Variants in SRD5A3 observed in about 807,000 individuals in gnomAD.
SRD5A3 encodes the protein steroid 5 alpha-reductase 3.
Under a neutral mutation model 34.3 loss-of-function variants are expected in SRD5A3, and 24 were observed. The ratio of observed to expected loss-of-function variants is 0.70; its 90% confidence interval spans 0.51 to 0.99. The LOEUF is 0.99. SRD5A3 is among the 50% of genes least tolerant of loss of function. SRD5A3 has a pLI of 0.00. For missense variants in SRD5A3, 350 were observed against 388.2 expected (o/e 0.90, Z 0.83); for synonymous variants, 161 against 167.3 (o/e 0.96, Z 0.29).
At chr4:55,365,151 C>T (rs1578210613) in intron 3 of SRD5A3, among the ~76,000 whole-genome samples, 1 of 151,886 alleles carries the variant, frequency 6.6e-6, no homozygotes, top group South Asian at 2.1e-4. Flanking sequence ...GTCTAGACCC[C>T]GTAGGTCTGT....
intron 2 of SRD5A3, among the ~76,000 whole-genome samples, chr4:55,362,711 A>G (rs1719731625): frequency 6.7e-6 from 1 of 149,820 alleles, no homozygotes; most frequent in Non-Finnish European, 1.5e-5. Context: ...CTCCAACCTC[A>G]GCTTCCTAAA....
In SRD5A3 at chr4:55,366,437, G is replaced by A. The variant is rs544507805; in HGVS notation, c.563-1151G>A. On this transcript the variant is annotated intron_variant, in intron 3 of 4. Coordinates refer to ENST00000264228, the MANE Select transcript of SRD5A3 (RefSeq NM_024592.5). ...AAGTGATCCTCCTGCCTTGGCCCCC[G>A]CAAAGTGCTGGGATTACAGGTGTGA... 4.6e-5 allele frequency among the ~76,000 whole-genome samples: 7 copies of A among 152,210 alleles called. 1 individual carries two copies. In the South Asian group the frequency reaches 6.2e-4, roughly 14 times the overall value.
intron 3 of SRD5A3, chr4:55,364,568 T>G (rs995442829): frequency 3.0e-5 from 11 of 363,724 alleles, no homozygotes; most frequent in African/African-American, 1.9e-4. Flanking sequence ...AAAAAAAAAT[T>G]AGCCAGGCGT....
intron 3 of SRD5A3, chr4:55,364,670 C>T (rs913807420): frequency 1.3e-4 from 35 of 261,072 alleles, no homozygotes; most frequent in Non-Finnish European, 3.8e-5. Context: ...GAGCCGAGAT[C>T]GCGCTACTGC....
At chr4:55,368,739 TTTTA>T (rs970063650) in intron 4 of SRD5A3, among the ~76,000 whole-genome samples, 23 of 145,960 alleles carry the variant, frequency 1.6e-4, no homozygotes, top group African/African-American at 5.6e-4. Context: ...TATTTATTTA[TTTTA>T]TTTATTTATT....
At chr4:55,354,383 C>T (rs1304971344) in intron 1 of SRD5A3, among the ~76,000 whole-genome samples, 2 of 152,158 alleles carry the variant, frequency 1.3e-5, no homozygotes, top group African/African-American at 4.8e-5. Context: ...GCCTGACGCA[C>T]CGCGCTCGGC....
intron 1 of SRD5A3, among the ~76,000 whole-genome samples, chr4:55,349,622 A>G (rs1719114166): frequency 2.0e-5 from 3 of 152,042 alleles, no homozygotes; most frequent in African/African-American, 7.3e-5. Context: ...AACTCTGAAT[A>G]AACAGGTGAC....
chr4:55,361,224 C>G (rs369444503), intron 2 of SRD5A3, among the ~76,000 whole-genome samples: 1 of 151,990 alleles, frequency 6.6e-6, no homozygotes, highest in African/African-American at 2.4e-5. Context: ...GTTCATGCCT[C>G]TCATCCCAGC....
intron 4 of SRD5A3, 82 bp from the exon 5 acceptor site, chr4:55,369,750 C>G: frequency 2.0e-6 from 3 of 1,496,964 alleles, no homozygotes; most frequent in Non-Finnish European, 2.7e-6. Flanking sequence ...AAAAAAAATT[C>G]TGTAAATGAT....
intron 2 of SRD5A3, among the ~76,000 whole-genome samples, chr4:55,361,445 G>A (rs1719681293): frequency 7.1e-6 from 1 of 141,394 alleles, no homozygotes. Context: ...TTGTAACGTT[G>A]CACTCTAGCC....
intron 2 of SRD5A3, among the ~76,000 whole-genome samples, chr4:55,362,674 G>T (rs1719729791): frequency 1.3e-5 from 2 of 151,346 alleles, no homozygotes; most frequent in African/African-American, 2.4e-5. Context: ...GCCCAGGCTG[G>T]TCTCAAACTC....
At chr4:55,364,776 A>G in intron 3 of SRD5A3, 1 of 182,878 alleles carries the variant, frequency 5.5e-6, no homozygotes, top group Admixed American at 5.4e-5. Context: ...GGATTTGCAG[A>G]GGGGGTGGGG....
chr4:55,352,050 C>A (rs368298986), intron 1 of SRD5A3: 48 of 769,482 alleles, frequency 6.2e-5, no homozygotes, highest in East Asian at 6.1e-4. Flanking sequence ...ATCCTTAGAG[C>A]CACTCCATAC....
At chr4:55,368,630 TAGCC>T (rs929208059) in intron 4 of SRD5A3, among the ~76,000 whole-genome samples, 7 of 151,780 alleles carry the variant, frequency 4.6e-5, no homozygotes, top group Non-Finnish European at 8.8e-5. Context: ...TTTGCCATGT[TAGCC>T]AGGGTGGTCT....
chr4:55,356,682 G>T (rs937617969), intron 1 of SRD5A3, among the ~76,000 whole-genome samples: 7 of 151,098 alleles, frequency 4.6e-5, no homozygotes, highest in Non-Finnish European at 8.8e-5. Context: ...TCATTATGTT[G>T]CTCAGGCTAG....
Position 55,346,260 on chromosome 4 carries a change from C to G in SRD5A3, c.-77C>G, listed in dbSNP as rs548723280. The G allele has an allele frequency of 2.9e-4, 360 of 1,245,908 alleles. 1 individual carries two copies. In the African/African-American group the frequency reaches 5.1e-3, roughly 18 times the overall value. The allele number at this position is 1,245,908 out of a possible 1,614,324, so 77.2% of individuals were successfully genotyped here. A position where few individuals can be genotyped will look rare whatever the true frequency, so the allele number is the denominator to read the frequency against. On this transcript the variant is annotated 5_prime_UTR_variant, in exon 1 of 5. Coordinates refer to ENST00000264228, the MANE Select transcript of SRD5A3 (RefSeq NM_024592.5). ...TCCCGCTAGGCTGAGACCGGTGCGCCGCGCGCTAGTGGCCGCTCTTCCGCG... is the reference window on the plus strand; with the variant it reads ...TCCCGCTAGGCTGAGACCGGTGCGCGGCGCGCTAGTGGCCGCTCTTCCGCG...
chr4:55,364,555 TAA>T, intron 3 of SRD5A3: 1 of 339,028 alleles, frequency 2.9e-6, no homozygotes, highest in Non-Finnish European at 5.6e-6. Flanking sequence ...TACTAAAAAT[TAA>T]AAAAAAAAAT....
At chr4:55,359,788 T>C (rs1388986706) in intron 2 of SRD5A3, among the ~76,000 whole-genome samples, 1 of 152,200 alleles carries the variant, frequency 6.6e-6, no homozygotes, top group East Asian at 1.9e-4. Context: ...GTACTGTTGA[T>C]AAATTTATGA....
At chr4:55,367,430 T>C (rs766118932) in intron 3 of SRD5A3, among the ~76,000 whole-genome samples, 158 bp from the exon 4 acceptor site, 12 of 152,230 alleles carry the variant, frequency 7.9e-5, no homozygotes, top group Non-Finnish European at 1.6e-4. Flanking sequence ...CATCGGGATA[T>C]TGAGGAACAG....
Sources: gnomAD v4.1 joint callset for allele counts (sites outside exome capture counted in the v4.1 genomes callset) on GRCh38, gnomAD v4.1.1 for gene constraint, MANE v1.5 for transcripts, NCBI Gene and HGNC (gene_info 2026-07-23, HGNC 2026-07-21) for gene names.